Variants in PIEZO1 observed in about 807,000 individuals in gnomAD.
PIEZO1 encodes piezo-type mechanosensitive ion channel component 1.
A neutral mutation model predicts 297.2 loss-of-function variants in PIEZO1; 296 were observed. That is an observed-to-expected ratio of 1.00 (90% CI 0.91 to 1.10). The LOEUF is 1.10. PIEZO1 is among the 50% of genes least tolerant of loss of function. The pLI is 0.00. For missense variants in PIEZO1, 5,018 were observed against 3,455.5 expected (o/e 1.45, Z -11.34); for synonymous variants, 2,427 against 1,507.5 (o/e 1.61, Z -14.13).
Position 88,737,615 on chromosome 16 carries a change from G to C in PIEZO1, c.1139C>G (p.Ala380Gly), listed in dbSNP as rs1380058749. 6.5e-7 allele frequency: 1 copy of C among 1,534,950 alleles called. No individual in the cohort carries two copies. The highest frequency in any genetic ancestry group is 2.0e-5 in the Admixed American group (1 of 50,982). Residue 380 changes from alanine (A) to glycine (G), a missense_variant, in exon 10 of 51, where the codon GCT (alanine) becomes GGT (glycine). Coordinates refer to ENST00000301015, the MANE Select transcript of PIEZO1 (RefSeq NM_001142864.4). ...CAGCTCGTGCACGATGCAGTTATCA[G>C]CCTCGGTGTCGGGTGCTGTGGGCAC... Reference protein sequence around the residue: ...HVVPTAPDTEADNCIVHELTG... With the variant: ...HVVPTAPDTEGDNCIVHELTG...
chr16:88,767,339 C>A (rs1003377500), intron 1 of PIEZO1, among the ~76,000 whole-genome samples: 10 of 152,176 alleles, frequency 6.6e-5, no homozygotes, highest in African/African-American at 2.4e-4. Context: ...GGTCAGGGGG[C>A]TGTGCTGGGA....
rs886332896 is a variant in PIEZO1, at chr16:88,720,058, C to T, written c.6164+11G>A. 3.9e-6 allele frequency: 6 copies of T among 1,550,076 alleles called. No individual in the cohort carries two copies. Among genetic ancestry groups the T allele is most frequent in the African/African-American group, 2.7e-5 (2 of 73,172 alleles). On this transcript the variant is annotated intron_variant, in intron 42 of 50. Coordinates refer to ENST00000301015, the MANE Select transcript of PIEZO1 (RefSeq NM_001142864.4). Reference sequence around the variant, plus strand: ...CCCCTGGAGACCGAGCGCCCCCACGCGTGGGCCCACCTCTCAGTGACGGCG... The same window carrying T: ...CCCCTGGAGACCGAGCGCCCCCACGTGTGGGCCCACCTCTCAGTGACGGCG...
At chr16:88,726,524 C>T in intron 26 of PIEZO1, 23 bp downstream of exon 26, 1 of 1,547,072 alleles carries the variant, frequency 6.5e-7, no homozygotes, top group Non-Finnish European at 8.7e-7. Flanking sequence ...ACGCCCTCCC[C>T]CGCCACCGTC....
Position 88,737,767 on chromosome 16 carries a change from T to TGCTAGCTCCAGCTCC in PIEZO1, c.1053_1067dup (p.Glu354_Leu358dup). On this transcript the variant is annotated inframe_insertion, in exon 9 of 51. Coordinates refer to ENST00000301015, the MANE Select transcript of PIEZO1 (RefSeq NM_001142864.4). ...GTTCCTGGGGCCACTGGTCCAGCTC[T>TGCTAGCTCCAGCTCC]GCTAGCTCCAGCTCCCGAGCCTCAT... 6.5e-7 allele frequency: 1 copy of TGCTAGCTCCAGCTCC among 1,535,744 alleles called. No homozygotes were observed. The highest frequency in any genetic ancestry group is 8.7e-7 in the Non-Finnish European group (1 of 1,146,714).
intron 1 of PIEZO1, among the ~76,000 whole-genome samples, chr16:88,762,516 G>A (rs538075041): frequency 6.0e-4 from 91 of 152,216 alleles, no homozygotes; most frequent in African/African-American, 2.0e-3. Flanking sequence ...GTCTGGGGAG[G>A]AGAAGGGGCT....
chr16:88,774,024 C>T (rs544997721), intron 1 of PIEZO1, among the ~76,000 whole-genome samples: 47 of 152,336 alleles, frequency 3.1e-4, no homozygotes, highest in Non-Finnish European at 6.6e-4. Context: ...TCCAGGCCTC[C>T]CTCTCCCCTG....
At chr16:88,772,096 C>T (rs1056536406) in intron 1 of PIEZO1, among the ~76,000 whole-genome samples, 9 of 149,272 alleles carry the variant, frequency 6.0e-5, no homozygotes, top group Admixed American at 1.3e-4. Context: ...CCCGCGGCCC[C>T]AGGCCCTCCT....
Position 88,721,372 on chromosome 16 carries a change from C to T in PIEZO1, c.5462G>A (p.Gly1821Asp). The T allele has an allele frequency of 6.5e-7, 1 of 1,549,668 alleles. No homozygotes were observed. The highest frequency in any genetic ancestry group is 8.7e-7 in the Non-Finnish European group (1 of 1,146,870). The change falls in exon 39 of 51, where the codon GGC becomes GAC. Residue 1821 changes from glycine to aspartate, a missense_variant. Transcript: ENST00000301015. Reference protein sequence around the residue: ...DSPSKEHDKSGEEEQGAEEGP... With the variant: ...DSPSKEHDKSDEEEQGAEEGP... The stretch of plus-strand genomic sequence containing the variant: ...CTCCTCGGCTCCCTGCTCCTCCTCG[C>T]CGCTCTTGTCATGCTCCTTGGATGG...
Position 88,720,088 on chromosome 16 carries a change from G to C in PIEZO1, c.6145C>G (p.Leu2049Val), listed in dbSNP as rs1201397460. 2.6e-6 allele frequency: 4 copies of C among 1,550,356 alleles called. No homozygotes were observed. The highest frequency in any genetic ancestry group is 3.5e-6 in the Non-Finnish European group (4 of 1,146,970). Residue 2049 changes from leucine to valine, a missense_variant, in exon 42 of 51, where the codon CTG becomes GTG. Leu to Val is a conservative substitution (Grantham distance 32, BLOSUM62 1). Transcript: ENST00000301015. The part of the protein sequence containing the change: ...LAIHLWMFFI[L>V]PAVTERMFNQ... Reference sequence around the variant, plus strand: ...GCCCACCTCTCAGTGACGGCGGGCAGGATGAAGAACATCCATAGGTGGATG... The same window carrying C: ...GCCCACCTCTCAGTGACGGCGGGCACGATGAAGAACATCCATAGGTGGATG...
chr16:88,735,169 T>C lies in PIEZO1; in HGVS notation c.1635A>G (p.Pro545=), dbSNP rs773850181. The change falls in exon 13 of 51, where the codon CCA becomes CCG. Residue 545 remains proline, a synonymous_variant. Transcript: ENST00000301015. The stretch of plus-strand genomic sequence containing the variant: ...CCACGGTGACCTCCGTCAGCGCAGC[T>C]GGAGACTCTGCCCACTTCAGCAGCT... ...KEKLLKWAES[P]AALTEVTVAD... is the part of the protein sequence containing the mutation. 2 of 1,550,358 alleles carry C rather than the reference T, an allele frequency of 1.3e-6. No individual in the cohort carries two copies. Among genetic ancestry groups the C allele is most frequent in the Admixed American group, 2.0e-5 (1 of 51,012 alleles).
chr16:88,777,253 G>C (rs763788661), intron 1 of PIEZO1, among the ~76,000 whole-genome samples: 1 of 152,256 alleles, frequency 6.6e-6, no homozygotes. Context: ...TTACCGGCGT[G>C]AGCCACCATG....
chr16:88,773,915 C>A (rs866125047), intron 1 of PIEZO1, among the ~76,000 whole-genome samples: 1 of 152,180 alleles, frequency 6.6e-6, no homozygotes, highest in African/African-American at 2.4e-5. Context: ...TCAGGTGCCA[C>A]CATCCCTGAC....
intron 4 of PIEZO1, 78 bp from the exon 5 acceptor site, chr16:88,741,694 G>A (rs968997651): frequency 4.7e-6 from 6 of 1,264,364 alleles, no homozygotes; most frequent in Non-Finnish European, 5.4e-6. Context: ...CTCCAGGTGC[G>A]GGTGGGAGTG....
chr16:88,731,979 C>G (rs1157394144), intron 21 of PIEZO1, 69 bp from the exon 22 acceptor site: 2 of 17,186 alleles, frequency 1.2e-4, no homozygotes, highest in South Asian at 4.8e-4. Flanking sequence ...TTGTCCCACC[C>G]AGCAGGCCTC....
Position 88,721,609 on chromosome 16 carries a change from TCTC to T in PIEZO1, c.5329_5331del (p.Glu1777del). The T allele has an allele frequency of 1.9e-6, 3 of 1,550,102 alleles. No individual in the cohort carries two copies. The highest frequency in any genetic ancestry group is 1.4e-5 in the African/African-American group (1 of 73,088). ...TCGTACTTGATGTAGCCGTCAGTCTTCTCCAGGCCCAGGATGCGGGGCGGGAAG... is the reference window on the plus strand; with the variant it reads ...TCGTACTTGATGTAGCCGTCAGTCTTCAGGCCCAGGATGCGGGGCGGGAAG... On this transcript the variant is annotated inframe_deletion, in exon 38 of 51. Coordinates refer to ENST00000301015, the MANE Select transcript of PIEZO1 (RefSeq NM_001142864.4).
rs1294080360 is a variant in PIEZO1 at position 88,734,638 on chromosome 16, G to A, written c.1997+12C>T. 7 of 1,550,004 alleles carry A rather than the reference G, an allele frequency of 4.5e-6. No homozygotes were observed. Among genetic ancestry groups the A allele is most frequent in the South Asian group, 1.2e-5 (1 of 84,068 alleles). ...TCGGCGCCCCTGCCCCACCGCCCCA[G>A]CCTGGACTCACTGCTCGTCGGTGAA... On this transcript the variant is annotated intron_variant, in intron 15 of 50. Transcript: ENST00000301015.
At chr16:88,727,766 T>A (rs1011186932) in intron 22 of PIEZO1, 105 bp from the exon 23 acceptor site, 23 of 528,610 alleles carry the variant, frequency 4.4e-5, no homozygotes, top group African/African-American at 4.1e-4. Flanking sequence ...TCAGGGTCCA[T>A]GGGAATCACC....
In PIEZO1 at chr16:88,723,029, G is replaced by A; in HGVS notation, c.4496-20C>T. On this transcript the variant is annotated intron_variant, in intron 33 of 50. Transcript: ENST00000301015. The stretch of plus-strand genomic sequence containing the variant: ...TCCGGCCTGCGGGAGGGCGGGAGGG[G>A]GCGCTGGAGGGGCAGCCTGTGGGGC... 2 of 1,543,362 alleles carry A rather than the reference G, an allele frequency of 1.3e-6. No homozygotes were observed. The highest frequency in any genetic ancestry group is 1.7e-6 in the Non-Finnish European group (2 of 1,144,668).
In PIEZO1 at chr16:88,738,224, T is replaced by C. The variant is rs1035275910; in HGVS notation, c.848+3A>G. 7.8e-6 allele frequency: 12 copies of C among 1,535,260 alleles called. No individual in the cohort carries two copies. The highest frequency in any genetic ancestry group is 1.7e-4 in the Middle Eastern group (1 of 5,990). On this transcript the variant is annotated splice_donor_region_variant and intron_variant, in intron 7 of 50. Transcript: ENST00000301015. ...AAAAAGGGGCTGTGTGGCAAGCCGT[T>C]ACCTAGCCCAGATGCCGGCAGGCGG...
Sources: gnomAD v4.1 joint callset for allele counts (sites outside exome capture counted in the v4.1 genomes callset) on GRCh38, gnomAD v4.1.1 for gene constraint, MANE v1.5 for transcripts, NCBI Gene and HGNC (gene_info 2026-07-23, HGNC 2026-07-21) for gene names.